TIAM1: variants seen among roughly 807,000 people sequenced by gnomAD.
TIAM1 encodes rho guanine nucleotide exchange factor TIAM1.
TIAM1 carries 65 observed loss-of-function variants against 163.5 expected under a neutral mutation model. The observed-to-expected ratio is 0.40, with a 90% CI of 0.33 to 0.49. The LOEUF (loss-of-function observed/expected upper bound fraction) is 0.49. Among genes scored for constraint, TIAM1 ranks in the 20% least tolerant of loss-of-function variants. The pLI is 0.77. For synonymous variants in TIAM1, 833 were observed against 810.1 expected (o/e 1.03, Z -0.48); for missense variants, 1,789 against 2,044.7 (o/e 0.87, Z 2.41).
intron 4 of TIAM1, among the ~76,000 whole-genome samples, chr21:31,254,165 A>G (rs1019107107): frequency 5.9e-5 from 9 of 152,228 alleles, no homozygotes; most frequent in Non-Finnish European, 1.2e-4. Context: ...CATAAGAGAG[A>G]CTTTGGTACA....
At chr21:31,409,840 A>G (rs1009213029) in intron 2 of TIAM1, among the ~76,000 whole-genome samples, 2 of 152,058 alleles carry the variant, frequency 1.3e-5, no homozygotes, top group Non-Finnish European at 2.9e-5. Context: ...CCTGTCCCCA[A>G]AAGCAATGAG....
intron 2 of TIAM1, among the ~76,000 whole-genome samples, chr21:31,310,444 C>T (rs559254717): frequency 6.6e-6 from 1 of 152,266 alleles, no homozygotes; most frequent in East Asian, 1.9e-4. Flanking sequence ...ACTGAAATTC[C>T]GGGTTGTGCG....
chr21:31,531,694 C>A (rs1036123575), intron 1 of TIAM1, among the ~76,000 whole-genome samples: 13 of 150,472 alleles, frequency 8.6e-5, no homozygotes, highest in Non-Finnish European at 1.8e-4. Flanking sequence ...TTTTTACTCA[C>A]CATTAAGTAA....
At chr21:31,225,681 A>G in intron 7 of TIAM1, 45 bp downstream of exon 7, 1 of 1,414,622 alleles carries the variant, frequency 7.1e-7, no homozygotes, top group Non-Finnish European at 9.8e-7. Context: ...ACCCTTTTAG[A>G]GACCTAACAA....
At chr21:31,309,848 C>T (rs1036367564) in intron 2 of TIAM1, among the ~76,000 whole-genome samples, 4 of 152,218 alleles carry the variant, frequency 2.6e-5, no homozygotes, top group African/African-American at 9.6e-5. Flanking sequence ...ATAAAGACAT[C>T]ATCAGGCAAA....
intron 2 of TIAM1, among the ~76,000 whole-genome samples, chr21:31,291,293 C>T (rs1447548964): frequency 2.0e-5 from 3 of 152,122 alleles, no homozygotes; most frequent in African/African-American, 7.2e-5. Context: ...AAAAGTTATA[C>T]AAAACTTTTC....
chr21:31,537,353 C>A (rs1402377466), intron 1 of TIAM1, among the ~76,000 whole-genome samples: 1 of 149,308 alleles, frequency 6.7e-6, no homozygotes, highest in Non-Finnish European at 1.5e-5. Flanking sequence ...AGGTGTATGA[C>A]AGTAAAGAAG....
chr21:31,381,462 G>A (rs545893343), intron 2 of TIAM1, among the ~76,000 whole-genome samples: 3 of 152,250 alleles, frequency 2.0e-5, no homozygotes, highest in African/African-American at 7.2e-5. Context: ...GAGGCCAGGA[G>A]TTCGGGACCA....
chr21:31,363,295 C>T (rs1423541497), intron 2 of TIAM1, among the ~76,000 whole-genome samples: 1 of 152,166 alleles, frequency 6.6e-6, no homozygotes, highest in African/African-American at 2.4e-5. Flanking sequence ...GTCCAGCTGT[C>T]CCCTAACCCC....
intron 5 of TIAM1, among the ~76,000 whole-genome samples, chr21:31,250,595 G>T (rs975959033): frequency 6.6e-6 from 1 of 152,130 alleles, no homozygotes; most frequent in South Asian, 2.1e-4. Context: ...ATCCAGTATC[G>T]AACGGTCTAG....
At chr21:31,431,980 G>A (rs73195587) in intron 2 of TIAM1, among the ~76,000 whole-genome samples, 45 of 151,656 alleles carry the variant, frequency 3.0e-4, no homozygotes, top group Non-Finnish European at 5.9e-4. Context: ...ATGCCACATC[G>A]CATGCTATGC....
rs755804762 is a variant in TIAM1 at position 31,124,537 on chromosome 21, C to G, written c.4291G>C (p.Ala1431Pro). 6.8e-6 allele frequency: 11 copies of G among 1,613,134 alleles called. No homozygotes were observed. The South Asian group carries it at 9.9e-5, about 14-fold the overall frequency. The change falls in exon 27 of 28, where the codon GCC becomes CCC. Residue 1431 changes from alanine to proline, a missense_variant. Around this residue, in one of 5 missense-constraint regions of TIAM1, gnomAD observed 415 missense variants for 439.2 expected, o/e 0.94. Transcript: ENST00000541036. ...CCCACAGTACCTGCCCTGCTCATGG[C>G]CGGCCTGGCCCCCTTCAGTGCACAC... ...RLCALKGARPAMSRAVSAPSK... is the reference protein window; with the variant it reads ...RLCALKGARPPMSRAVSAPSK...
rs1004851402 is a variant in TIAM1, at chr21:31,165,101, A to G, written c.2888-36T>C. On this transcript the variant is annotated intron_variant, in intron 15 of 27. Coordinates refer to ENST00000541036, the MANE Select transcript of TIAM1 (RefSeq NM_001353694.2). ...AAATCAGAAGAAAATGTGGGTCAAC[A>G]TGGACAGTAATTGCTAAAAGCCACC... is the stretch of plus-strand genomic sequence containing the variant. 31 of 1,602,986 alleles carry G rather than the reference A, an allele frequency of 1.9e-5. No homozygotes were observed. The African/African-American group carries it at 3.6e-4, about 19-fold the overall frequency.
intron 2 of TIAM1, among the ~76,000 whole-genome samples, chr21:31,445,098 C>A (rs1325936837): frequency 1.3e-5 from 2 of 152,112 alleles, no homozygotes; most frequent in African/African-American, 4.8e-5. Context: ...TGACCAGTAA[C>A]AAGTAGATGT....
intron 2 of TIAM1, among the ~76,000 whole-genome samples, chr21:31,398,507 T>C (rs977502804): frequency 5.9e-5 from 9 of 152,218 alleles, no homozygotes; most frequent in African/African-American, 2.2e-4. Context: ...TTTTGTATTC[T>C]CCATCACACT....
chr21:31,524,486 T>C (rs2047713574), intron 1 of TIAM1, among the ~76,000 whole-genome samples: 1 of 152,174 alleles, frequency 6.6e-6, no homozygotes, highest in African/African-American at 2.4e-5. Context: ...GGAGGGGACA[T>C]CCAACTATAT....
intron 6 of TIAM1, among the ~76,000 whole-genome samples, chr21:31,235,502 G>T (rs755310133): frequency 2.6e-5 from 4 of 152,172 alleles, no homozygotes; most frequent in Non-Finnish European, 5.9e-5. Flanking sequence ...AAAGTCAGTA[G>T]TATCTAAAAT....
intron 2 of TIAM1, among the ~76,000 whole-genome samples, chr21:31,332,377 C>A (rs538076573): frequency 2.0e-5 from 3 of 152,184 alleles, no homozygotes; most frequent in African/African-American, 4.8e-5. Context: ...ACTCAAGGAA[C>A]CTAAGGATGC....
Position 31,210,364 on chromosome 21 carries a change from G to A in TIAM1, c.2218-149C>T, listed in dbSNP as rs572818144. Reference sequence around the variant, plus strand: ...GGTGGGAGGCAGGGGAACCCTTGGAGAGAGAGAAACTACTGAGAAAGCAGA... The same window carrying A: ...GGTGGGAGGCAGGGGAACCCTTGGAAAGAGAGAAACTACTGAGAAAGCAGA... On this transcript the variant is annotated intron_variant, in intron 10 of 27. Coordinates refer to ENST00000541036, the MANE Select transcript of TIAM1 (RefSeq NM_001353694.2). 88 of 774,506 alleles carry A rather than the reference G, an allele frequency of 1.1e-4. No homozygotes were observed. The African/African-American group carries it at 1.4e-3, about 12-fold the overall frequency. The allele number at this position is 774,506 out of a possible 1,614,324, so 48.0% of individuals were successfully genotyped here. A position where few individuals can be genotyped will look rare whatever the true frequency, so the allele number is the denominator to read the frequency against.
Sources: allele counts gnomAD v4.1 joint callset (sites outside exome capture counted in the v4.1 genomes callset), GRCh38; gene constraint gnomAD v4.1.1; regional missense constraint gnomAD v4.1.1; transcripts MANE v1.5; gene names NCBI Gene and HGNC (gene_info 2026-07-23, HGNC 2026-07-21).